Variants in LHFPL3 observed in about 807,000 individuals in gnomAD.
LHFPL3 encodes the protein LHFPL tetraspan subfamily member 3 protein.
Under a neutral mutation model 19.3 loss-of-function variants are expected in LHFPL3, and 5 were observed. That is an observed-to-expected ratio of 0.26 (90% confidence interval 0.14 to 0.54). The LOEUF is 0.54. Among genes scored for constraint, LHFPL3 ranks in the 20% least tolerant of loss-of-function variants. The probability of loss-of-function intolerance (pLI) is 0.94; values close to 1 mark genes in which losing one functional copy is unlikely to be tolerated. For synonymous variants in LHFPL3, 133 were observed against 126.2 expected (o/e 1.05, Z -0.36); for missense variants, 249 against 307.4 (o/e 0.81, Z 1.42).
At chr7:104,720,605 A>G (rs990218784) in intron 1 of LHFPL3, among the ~76,000 whole-genome samples, 12 of 152,224 alleles carry the variant, frequency 7.9e-5, no homozygotes. Flanking sequence ...TGAACAGTCA[A>G]CCTACAGAAT....
At chr7:104,528,353 T>A (rs1273994095) in intron 1 of LHFPL3, among the ~76,000 whole-genome samples, 4 of 152,220 alleles carry the variant, frequency 2.6e-5, no homozygotes, top group Non-Finnish European at 5.9e-5. Flanking sequence ...GTATAAACAA[T>A]GTTGTAATAA....
intron 2 of LHFPL3, among the ~76,000 whole-genome samples, chr7:104,872,771 C>G (rs1385681460): frequency 1.3e-5 from 2 of 152,168 alleles, no homozygotes; most frequent in African/African-American, 2.4e-5. Context: ...TCTATGATAA[C>G]CATTCTTCTG....
intron 1 of LHFPL3, among the ~76,000 whole-genome samples, chr7:104,562,974 G>A (rs1790039416): frequency 6.6e-6 from 1 of 152,188 alleles, no homozygotes; most frequent in Non-Finnish European, 1.5e-5. Flanking sequence ...GCTGGGGGGT[G>A]CTTGCCAGTT....
intron 1 of LHFPL3, among the ~76,000 whole-genome samples, chr7:104,661,947 A>G (rs1469005917): frequency 6.6e-6 from 1 of 152,226 alleles, no homozygotes; most frequent in Non-Finnish European, 1.5e-5. Flanking sequence ...CCGAGCTATC[A>G]TGACAGTCGA....
At chr7:104,550,331 C>G (rs1052268599) in intron 1 of LHFPL3, among the ~76,000 whole-genome samples, 17 of 152,126 alleles carry the variant, frequency 1.1e-4, no homozygotes, top group African/African-American at 4.1e-4. Flanking sequence ...AGTTAACCAT[C>G]ACAGCAGTCA....
intron 1 of LHFPL3, among the ~76,000 whole-genome samples, chr7:104,397,090 G>A (rs2116485160): frequency 6.6e-6 from 1 of 152,230 alleles, no homozygotes; most frequent in African/African-American, 2.4e-5. Flanking sequence ...CTGGAAATCA[G>A]AGAAGACTGA....
chr7:104,544,358 C>T (rs776434910), intron 1 of LHFPL3, among the ~76,000 whole-genome samples: 2 of 152,134 alleles, frequency 1.3e-5, no homozygotes, highest in African/African-American at 4.8e-5. Flanking sequence ...TAACCACTAG[C>T]ACAAGACACT....
chr7:104,395,669 T>G (rs1199548898), intron 1 of LHFPL3, among the ~76,000 whole-genome samples: 4 of 152,204 alleles, frequency 2.6e-5, no homozygotes, highest in Non-Finnish European at 5.9e-5. Context: ...ACTGGCTTTC[T>G]CATGCATTTT....
intron 1 of LHFPL3, among the ~76,000 whole-genome samples, chr7:104,561,238 G>T (rs1206629346): frequency 6.7e-6 from 1 of 149,064 alleles, no homozygotes; most frequent in Non-Finnish European, 1.5e-5. Context: ...GGGTATCCTT[G>T]TTGACTTCCT....
At chr7:104,674,372 CTTT>C (rs531335106) in intron 1 of LHFPL3, among the ~76,000 whole-genome samples, 1 of 134,688 alleles carries the variant, frequency 7.4e-6, no homozygotes. Flanking sequence ...TTTTCTTTTT[CTTT>C]TTTTTTTTTT....
intron 1 of LHFPL3, among the ~76,000 whole-genome samples, chr7:104,683,118 T>G (rs558621300): frequency 6.6e-6 from 1 of 152,238 alleles, no homozygotes; most frequent in East Asian, 1.9e-4. Context: ...GCCTCCGGAG[T>G]AGCTGGGATT....
At chr7:104,357,675 C>T (rs540260687) in intron 1 of LHFPL3, among the ~76,000 whole-genome samples, 4 of 152,184 alleles carry the variant, frequency 2.6e-5, no homozygotes, top group African/African-American at 9.6e-5. Flanking sequence ...GTCTGAAATC[C>T]CTAGGGTAAG....
intron 1 of LHFPL3, among the ~76,000 whole-genome samples, chr7:104,497,765 G>T (rs1023449492): frequency 6.6e-6 from 1 of 152,186 alleles, no homozygotes; most frequent in Non-Finnish European, 1.5e-5. Context: ...TCCCGGTGTT[G>T]CCCATTAATC....
At chr7:104,824,548 T>TA (rs1471337069) in intron 2 of LHFPL3, among the ~76,000 whole-genome samples, 1 of 74,604 alleles carries the variant, frequency 1.3e-5, no homozygotes, top group Admixed American at 2.4e-4. Context: ...TATAATTATA[T>TA]ATAATATATA....
intron 1 of LHFPL3, among the ~76,000 whole-genome samples, chr7:104,512,518 C>T (rs1458913096): frequency 6.6e-6 from 1 of 151,870 alleles, no homozygotes; most frequent in Non-Finnish European, 1.5e-5. Context: ...GGGTGGGTCA[C>T]TTGAGATCAG....
At chr7:104,902,667 T>C (rs1316504519) in intron 2 of LHFPL3, among the ~76,000 whole-genome samples, 1 of 152,074 alleles carries the variant, frequency 6.6e-6, no homozygotes, top group Non-Finnish European at 1.5e-5. Context: ...ATACCTGTAA[T>C]CACAGCTACT....
chr7:104,551,850 C>G (rs1016834642), intron 1 of LHFPL3, among the ~76,000 whole-genome samples: 2 of 152,142 alleles, frequency 1.3e-5, no homozygotes, highest in African/African-American at 2.4e-5. Context: ...GAAGCACAAT[C>G]TACAAGAGGA....
chr7:104,452,841 A>T (rs190002763), intron 1 of LHFPL3, among the ~76,000 whole-genome samples: 23 of 152,364 alleles, frequency 1.5e-4, no homozygotes, highest in East Asian at 1.4e-3. Flanking sequence ...AGTGTAAACA[A>T]CTTAAAAGTC....
At chr7:104,621,057 C>T (rs888975584) in intron 1 of LHFPL3, among the ~76,000 whole-genome samples, 1 of 152,166 alleles carries the variant, frequency 6.6e-6, no homozygotes, top group African/African-American at 2.4e-5. Flanking sequence ...TCAAGCAATA[C>T]CTGGGGCAAA....
Sources: gnomAD v4.1 joint callset for allele counts (sites outside exome capture counted in the v4.1 genomes callset) on GRCh38, gnomAD v4.1.1 for gene constraint, MANE v1.5 for transcripts, NCBI Gene and HGNC (gene_info 2026-07-23, HGNC 2026-07-21) for gene names.